Variants in NRXN3 observed in about 807,000 individuals in gnomAD.
The protein encoded by NRXN3 is neurexin III.
Under a neutral mutation model 137.6 loss-of-function variants are expected in NRXN3, and 32 were observed. That is an observed-to-expected ratio of 0.23 (90% confidence interval 0.18 to 0.31). The LOEUF (loss-of-function observed/expected upper bound fraction) is 0.31, where lower values mean the gene tolerates loss of function less well. NRXN3 is among the 10% of genes least tolerant of loss of function. NRXN3 has a pLI of 1.00. For synonymous variants in NRXN3, 798 were observed against 784.5 expected, an observed-to-expected ratio of 1.02 and a Z score of -0.29; for missense variants, 1,574 against 2,062.5, an observed-to-expected ratio of 0.76 and a Z score of 4.59.
At chr14:78,870,509 T>G (rs879677099) in intron 10 of NRXN3, among the ~76,000 whole-genome samples, 6 of 152,208 alleles carry the variant, frequency 3.9e-5, no homozygotes, top group Non-Finnish European at 8.8e-5. Context: ...CAAGCATTTA[T>G]CATTTTTTTT....
At chr14:79,533,825 T>G (rs971613707) in intron 16 of NRXN3, among the ~76,000 whole-genome samples, 7 of 152,158 alleles carry the variant, frequency 4.6e-5, no homozygotes, top group Non-Finnish European at 1.0e-4. Flanking sequence ...GGCAAAAGAA[T>G]GGATAGATGA....
At chr14:79,115,936 A>G (rs1044435619) in intron 15 of NRXN3, among the ~76,000 whole-genome samples, 2 of 152,284 alleles carry the variant, frequency 1.3e-5, no homozygotes, top group East Asian at 1.9e-4. Context: ...TACTAAGCCT[A>G]TGGGGTAGAT....
At chr14:78,841,440 T>A (rs2152444566) in intron 10 of NRXN3, among the ~76,000 whole-genome samples, 1 of 152,170 alleles carries the variant, frequency 6.6e-6, no homozygotes, top group African/African-American at 2.4e-5. Context: ...TCTGGCACCA[T>A]CTTGGATGAT....
intron 14 of NRXN3, among the ~76,000 whole-genome samples, chr14:78,986,717 C>T (rs577738996): frequency 6.6e-6 from 1 of 152,188 alleles, no homozygotes; most frequent in African/African-American, 2.4e-5. Flanking sequence ...CGCATGCACA[C>T]TCCATTTAAG....
chr14:79,310,881 A>T (rs1240451103), intron 15 of NRXN3, among the ~76,000 whole-genome samples: 2 of 85,504 alleles, frequency 2.3e-5, no homozygotes, highest in Non-Finnish European at 4.1e-5. Context: ...GTCTGCAAAC[A>T]GGGACAATTT....
intron 15 of NRXN3, among the ~76,000 whole-genome samples, chr14:79,462,747 T>G (rs567876939): frequency 6.6e-6 from 1 of 151,804 alleles, no homozygotes; most frequent in Non-Finnish European, 1.5e-5. Context: ...ATAAATGAAT[T>G]CTAGTCTATT....
At chr14:79,500,410 G>C (rs886445366) in intron 16 of NRXN3, among the ~76,000 whole-genome samples, 1 of 152,068 alleles carries the variant, frequency 6.6e-6, no homozygotes, top group Non-Finnish European at 1.5e-5. Context: ...TGTTTAATCA[G>C]GGAATGATGA....
At chr14:79,475,397 A>G (rs1330352972) in intron 16 of NRXN3, among the ~76,000 whole-genome samples, 2 of 152,104 alleles carry the variant, frequency 1.3e-5, no homozygotes, top group East Asian at 1.9e-4. Flanking sequence ...AGAATCCTCA[A>G]TGCATACAAA....
chr14:78,547,190 T>C (rs2096644078), intron 4 of NRXN3, among the ~76,000 whole-genome samples: 1 of 149,884 alleles, frequency 6.7e-6, no homozygotes, highest in Non-Finnish European at 1.5e-5. Flanking sequence ...TCCAGTCTTC[T>C]GTCATTGCTC....
chr14:79,308,844 CTTTTTTTT>C (rs34580008), intron 15 of NRXN3, among the ~76,000 whole-genome samples: 1 of 89,404 alleles, frequency 1.1e-5, no homozygotes, highest in Non-Finnish European at 2.4e-5. Flanking sequence ...GGGAAGCATT[CTTTTTTTT>C]TTTTTTTTTT....
At chr14:79,201,674 AAG>A (rs2066030471) in intron 15 of NRXN3, 1 of 152,196 alleles carries the variant, frequency 6.6e-6, no homozygotes, top group Non-Finnish European at 1.5e-5. Flanking sequence ...CAGGCCAACT[AAG>A]AGTTTGGCAC....
intron 20 of NRXN3, among the ~76,000 whole-genome samples, chr14:79,859,056 T>A (rs1192819093): frequency 6.6e-6 from 1 of 151,046 alleles, no homozygotes; most frequent in East Asian, 1.9e-4. Flanking sequence ...TCTGCACAGA[T>A]CATTTTGCTC....
chr14:79,128,654 T>C (rs2056960030), intron 15 of NRXN3, among the ~76,000 whole-genome samples: 1 of 152,232 alleles, frequency 6.6e-6, no homozygotes, highest in African/African-American at 2.4e-5. Flanking sequence ...TGATTGTGTC[T>C]CTGCTGGGCT....
rs536565643 is a variant in NRXN3, at chr14:78,382,711, T to TC, written c.757+84853dup. ...CGTGCTCATGGCTACTGGCACCTAT[T>TC]CCTAGTAAGGGGAAGCTTGGCTCTG... On this transcript the variant is annotated intron_variant, in intron 4 of 20. Transcript: ENST00000335750. 6.6e-5 allele frequency among the ~76,000 whole-genome samples: 10 copies of TC among 152,190 alleles called. No individual in the cohort carries two copies. In the South Asian group the frequency reaches 8.3e-4, roughly 13 times the overall value.
chr14:78,996,340 C>T (rs2099530055), intron 15 of NRXN3, among the ~76,000 whole-genome samples: 1 of 152,126 alleles, frequency 6.6e-6, no homozygotes, highest in Non-Finnish European at 1.5e-5. Context: ...AAGTGATTTG[C>T]TCAAGGTGAC....
chr14:79,706,524 A>G (rs2098780251), intron 19 of NRXN3, among the ~76,000 whole-genome samples: 1 of 151,630 alleles, frequency 6.6e-6, no homozygotes, highest in African/African-American at 2.4e-5. Flanking sequence ...GAAAGCCACA[A>G]GAGGCCTCTG....
chr14:78,860,474 A>G (rs2099069481), intron 10 of NRXN3, among the ~76,000 whole-genome samples: 1 of 152,224 alleles, frequency 6.6e-6, no homozygotes, highest in Non-Finnish European at 1.5e-5. Flanking sequence ...ACATTTTTCT[A>G]ATCACATTCT....
chr14:79,384,642 C>T (rs1418624464), intron 15 of NRXN3, among the ~76,000 whole-genome samples: 1 of 152,074 alleles, frequency 6.6e-6, no homozygotes, highest in Non-Finnish European at 1.5e-5. Flanking sequence ...AGGCATTTTT[C>T]CCCAGTTTTG....
chr14:78,840,553 C>G (rs2099009474), intron 10 of NRXN3, among the ~76,000 whole-genome samples: 1 of 152,174 alleles, frequency 6.6e-6, no homozygotes, highest in Admixed American at 6.5e-5. Context: ...TTTCTCACTT[C>G]ATACTTCATG....
Sources: gnomAD v4.1 joint callset for allele counts (sites outside exome capture counted in the v4.1 genomes callset) on GRCh38, gnomAD v4.1.1 for gene constraint, MANE v1.5 for transcripts, NCBI Gene and HGNC (gene_info 2026-07-23, HGNC 2026-07-21) for gene names.